ABL1: variants seen among roughly 807,000 people sequenced by gnomAD.
ABL1 encodes ABL proto-oncogene 1, non-receptor tyrosine kinase.
In ABL1, 11 loss-of-function variants were observed where a neutral mutation model predicts 94.7. That is an observed-to-expected ratio of 0.12 (90% CI 0.07 to 0.19). The LOEUF (loss-of-function observed/expected upper bound fraction) is 0.19, where lower values mean the gene tolerates loss of function less well. ABL1 is among the 10% of genes least tolerant of loss of function. The probability of loss-of-function intolerance (pLI) is 1.00; values close to 1 mark genes in which losing one functional copy is unlikely to be tolerated. For missense variants in ABL1, 1,082 were observed against 1,489.4 expected, an observed-to-expected ratio of 0.73 and a Z score of 4.50; for synonymous variants, 656 against 622.4, an observed-to-expected ratio of 1.05 and a Z score of -0.80.
chr9:130,724,180 G>A (rs1358403719), intron 1 of ABL1, among the ~76,000 whole-genome samples: 2 of 152,172 alleles, frequency 1.3e-5, no homozygotes, highest in Non-Finnish European at 2.9e-5. Flanking sequence ...TATGATCACT[G>A]TTCACTGCAG....
intron 1 of ABL1, among the ~76,000 whole-genome samples, chr9:130,822,619 G>A (rs148737760): frequency 0.01 from 1,557 of 151,898 alleles, 31 homozygotes; most frequent in African/African-American, 0.032. Flanking sequence ...GCAGCATCTC[G>A]TGATTTTAGT....
At chr9:130,837,813 C>T (rs75775931) in intron 1 of ABL1, among the ~76,000 whole-genome samples, 1 of 152,216 alleles carries the variant, frequency 6.6e-6, no homozygotes, top group African/African-American at 2.4e-5. Flanking sequence ...TTTCCACTTT[C>T]ACTGACAGCC....
intron 1 of ABL1, among the ~76,000 whole-genome samples, chr9:130,784,278 T>G (rs1253044966): frequency 6.6e-6 from 1 of 152,176 alleles, no homozygotes; most frequent in Non-Finnish European, 1.5e-5. Context: ...TGTGTTTTTT[T>G]GTCCCCCCAA....
intron 1 of ABL1, among the ~76,000 whole-genome samples, chr9:130,817,993 A>G (rs114046290): frequency 0.013 from 1,983 of 152,296 alleles, 36 homozygotes; most frequent in African/African-American, 0.046. Flanking sequence ...GGATAAGTAT[A>G]TGCTTAACTT....
At chr9:130,812,444 C>A (rs1013337518) in intron 1 of ABL1, among the ~76,000 whole-genome samples, 6 of 151,760 alleles carry the variant, frequency 4.0e-5, no homozygotes, top group African/African-American at 1.2e-4. Context: ...ATGCTGTCTA[C>A]AGTTATCCCA....
At chr9:130,839,109 C>CA (rs1198413252) in intron 1 of ABL1, among the ~76,000 whole-genome samples, 1 of 150,348 alleles carries the variant, frequency 6.7e-6, no homozygotes, top group African/African-American at 2.5e-5. Flanking sequence ...GACAGGGTCT[C>CA]ACTATTTTTA....
At chr9:130,845,079 G>A (rs1830743016) in intron 1 of ABL1, among the ~76,000 whole-genome samples, 2 of 152,232 alleles carry the variant, frequency 1.3e-5, no homozygotes, top group African/African-American at 4.8e-5. Context: ...AAAGGAGACT[G>A]GGATAAATTA....
At chr9:130,850,900 TTTTTTGTTTG>T (rs1419320541) in intron 1 of ABL1, among the ~76,000 whole-genome samples, 10 of 151,916 alleles carry the variant, frequency 6.6e-5, no homozygotes, top group East Asian at 1.9e-4. Context: ...CACGTTGTTG[TTTTTTGTTTG>T]TTTTTGTTTG....
rs111886835 is a variant in ABL1 at position 130,854,233 on chromosome 9, T to G, written c.249T>G (p.Thr83=). The G allele has an allele frequency of 6.5e-3, 10,508 of 1,613,274 alleles. 57 individuals carry two copies. Among genetic ancestry groups the G allele is most frequent in the Middle Eastern group, 0.028 (168 of 6,054 alleles). ...VASGDNTLSI[T]KGEKLRVLGY... ...GTGGAGATAACACTCTAAGCATAAC[T>G]AAAGGTAAAAGGGTTGTGGGCAGCT... Residue 83 remains threonine, a synonymous_variant, in exon 2 of 11, where the codon ACT becomes ACG. Coordinates refer to ENST00000318560, the MANE Select transcript of ABL1 (RefSeq NM_005157.6).
At chr9:130,804,284 A>G (rs142726899) in intron 1 of ABL1, among the ~76,000 whole-genome samples, 7,540 of 142,956 alleles carry the variant, frequency 0.053, 609 homozygotes, top group African/African-American at 0.19. Context: ...GCGTGAACCC[A>G]GGAGGCGGAT....
At chr9:130,714,572 T>C in intron 1 of ABL1, 1 of 1,369,048 alleles carries the variant, frequency 7.3e-7, no homozygotes, top group Non-Finnish European at 1.0e-6. Context: ...TTAATAAATT[T>C]GTTACTGTAG....
chr9:130,727,764 A>ACC (rs1831607547), intron 1 of ABL1, among the ~76,000 whole-genome samples: 2 of 88,454 alleles, frequency 2.3e-5, no homozygotes, highest in African/African-American at 1.4e-4. Context: ...CCCCCCCCCC[A>ACC]AAAAAAAGCA....
intron 1 of ABL1, among the ~76,000 whole-genome samples, chr9:130,717,293 T>C (rs969766790): frequency 3.3e-5 from 5 of 152,240 alleles, no homozygotes; most frequent in African/African-American, 4.8e-5. Flanking sequence ...TCTGGCCACC[T>C]CAGCCTCCCA....
At chr9:130,744,618 C>T (rs1438813210) in intron 1 of ABL1, among the ~76,000 whole-genome samples, 21 of 149,544 alleles carry the variant, frequency 1.4e-4, no homozygotes, top group Admixed American at 6.0e-4. Context: ...TTTGGGGGGC[C>T]GAGGCAGGCG....
chr9:130,822,406 T>C (rs1012179987), intron 1 of ABL1, among the ~76,000 whole-genome samples: 2 of 152,050 alleles, frequency 1.3e-5, no homozygotes, highest in Non-Finnish European at 2.9e-5. Context: ...TTGCCAATAG[T>C]TGGTTTTGTC....
chr9:130,883,951 C>A lies in ABL1; in HGVS notation c.1679-18C>A. 6.3e-7 allele frequency: 1 copy of A among 1,596,420 alleles called. No homozygotes were observed. The highest frequency in any genetic ancestry group is 1.1e-5 in the South Asian group (1 of 88,200). On this transcript the variant is annotated intron_variant, in intron 10 of 10. Coordinates refer to ENST00000318560, the MANE Select transcript of ABL1 (RefSeq NM_005157.6). The stretch of plus-strand genomic sequence containing the variant: ...CTAGAGTTGTCTGGAGTTGTCAGCT[C>A]TTCCCCTTGCGTTTCAGATCCTCTG...
chr9:130,835,666 C>G lies in ABL1; in HGVS notation c.79+141C>G. 1.8e-6 allele frequency: 1 copy of G among 570,868 alleles called. No homozygotes were observed. Among genetic ancestry groups the G allele is most frequent in the Non-Finnish European group, 3.1e-6 (1 of 318,992 alleles). 35.4% of individuals were successfully genotyped at this position (570,868 alleles called of 1,614,324 possible). A position where few individuals can be genotyped will look rare whatever the true frequency, so the allele number is the denominator to read the frequency against. On this transcript the variant is annotated intron_variant, in intron 1 of 10. Coordinates refer to ENST00000318560, the MANE Select transcript of ABL1 (RefSeq NM_005157.6). This position sits in a 1 kb window ranked among gnomAD's most constrained non-coding sequence, Gnocchi z 4.6. Reference sequence around the variant, plus strand: ...CTTTTTTTTCTTTCTTCCCTCTTCTCTTCTCTTCTCTTCAGTTCTCTTATA... The same window carrying G: ...CTTTTTTTTCTTTCTTCCCTCTTCTGTTCTCTTCTCTTCAGTTCTCTTATA...
Position 130,880,826 on chromosome 9 carries a change from CTCCCCACCTGCCTCCTA to C in ABL1, c.1678+168_1678+184del, listed in dbSNP as rs1364616020. ...GCTTCGGAAGGAGGAAGGTTCTCCTCTCCCCACCTGCCTCCTATCCCCTCCCTCTGAGAGTCCCCGAG... is the reference window on the plus strand; with the variant it reads ...GCTTCGGAAGGAGGAAGGTTCTCCTCTCCCCTCCCTCTGAGAGTCCCCGAG... On this transcript the variant is annotated intron_variant, in intron 10 of 10. Transcript: ENST00000318560. The surrounding 1 kb of genome is among the most constrained non-coding windows in gnomAD (Gnocchi z 4.4). 6.6e-6 allele frequency among the ~76,000 whole-genome samples: 1 copy of C among 152,238 alleles called. No individual in the cohort carries two copies. The highest frequency in any genetic ancestry group is 1.9e-4 in the East Asian group (1 of 5,194).
At position 130,855,063 on chromosome 9, in the gene ABL1, C is replaced by T. The variant is rs546918599; in HGVS notation, c.516C>T (p.Tyr172=). 1.2e-6 allele frequency: 2 copies of T among 1,614,098 alleles called. No individual in the cohort carries two copies. Among genetic ancestry groups the T allele is most frequent in the African/African-American group, 2.7e-5 (2 of 75,020 alleles). Residue 172 remains tyrosine (Y), a synonymous_variant, in exon 3 of 11, where the codon TAC becomes TAT. Coordinates refer to ENST00000318560, the MANE Select transcript of ABL1 (RefSeq NM_005157.6). Reference sequence around the variant, plus strand: ...CGCTGAGATACGAAGGGAGGGTGTACCATTACAGGATCAACACTGCTTCTG... The same window carrying T: ...CGCTGAGATACGAAGGGAGGGTGTATCATTACAGGATCAACACTGCTTCTG... The part of the protein sequence containing the change: ...SISLRYEGRV[Y]HYRINTASDG...
Sources: allele counts gnomAD v4.1 joint callset (sites outside exome capture counted in the v4.1 genomes callset), GRCh38; gene constraint gnomAD v4.1.1; non-coding constraint Gnocchi (gnomAD v3.1); transcripts MANE v1.5; gene names NCBI Gene and HGNC (gene_info 2026-07-23, HGNC 2026-07-21).